ZNF385D: variants seen among roughly 807,000 people sequenced by gnomAD.
ZNF385D encodes the protein zinc finger protein 385D.
ZNF385D carries 15 observed loss-of-function variants against 35.8 expected under a neutral mutation model. The observed-to-expected ratio is 0.42, with a 90% CI of 0.28 to 0.64. The LOEUF is 0.64. ZNF385D is among the 30% of genes least tolerant of loss of function. ZNF385D has a pLI of 0.23. For synonymous variants in ZNF385D, 212 were observed against 186.8 expected (o/e 1.13, Z -1.10); for missense variants, 474 against 494.6 (o/e 0.96, Z 0.39).
chr3:22,129,266 G>A (rs977996180), intron 3 of ZNF385D, among the ~76,000 whole-genome samples: 2 of 152,124 alleles, frequency 1.3e-5, no homozygotes, highest in African/African-American at 4.8e-5. Context: ...ACCACAGCTG[G>A]GACTGTGCCT....
chr3:22,073,790 T>C (rs923696468), intron 3 of ZNF385D, among the ~76,000 whole-genome samples: 1 of 151,972 alleles, frequency 6.6e-6, no homozygotes, highest in Non-Finnish European at 1.5e-5. Flanking sequence ...GGTAAAAGCA[T>C]ACTATTTTTA....
intron 2 of ZNF385D, among the ~76,000 whole-genome samples, chr3:22,313,521 G>T (rs537415508): frequency 7.2e-5 from 11 of 152,164 alleles, no homozygotes; most frequent in Non-Finnish European, 1.6e-4. Context: ...GAAGAATATG[G>T]TGTAGATGTC....
intron 3 of ZNF385D, among the ~76,000 whole-genome samples, chr3:22,147,937 G>C (rs113129616): frequency 0.015 from 2,264 of 152,246 alleles, 52 homozygotes; most frequent in African/African-American, 0.052. Flanking sequence ...AAAAAAAGTC[G>C]ATCTAAAGTA....
intron 2 of ZNF385D, among the ~76,000 whole-genome samples, chr3:22,299,565 T>A (rs546537194): frequency 6.6e-6 from 1 of 151,800 alleles, no homozygotes; most frequent in African/African-American, 2.4e-5. Flanking sequence ...ATCTTACAAA[T>A]AGAAAACCCT....
At chr3:21,675,238 T>G (rs540923598) in intron 1 of ZNF385D, among the ~76,000 whole-genome samples, 21 of 152,076 alleles carry the variant, frequency 1.4e-4, no homozygotes, top group Non-Finnish European at 2.6e-4. Flanking sequence ...TCCTAGGCTT[T>G]TTATTTTATT....
chr3:21,781,916 G>C (rs567421965), intron 3 of ZNF385D, among the ~76,000 whole-genome samples: 5 of 151,972 alleles, frequency 3.3e-5, no homozygotes, highest in African/African-American at 9.7e-5. Flanking sequence ...GGGCTAAATG[G>C]GGATGGAACA....
chr3:22,135,561 G>C (rs956148092), intron 3 of ZNF385D, among the ~76,000 whole-genome samples: 5 of 152,124 alleles, frequency 3.3e-5, no homozygotes, highest in Admixed American at 6.6e-5. Flanking sequence ...TTCTTAAATT[G>C]ATCAATGGGT....
At chr3:22,082,028 A>G (rs1297930466) in intron 3 of ZNF385D, among the ~76,000 whole-genome samples, 1 of 125,104 alleles carries the variant, frequency 8.0e-6, no homozygotes, top group Non-Finnish European at 1.7e-5. Context: ...TAATATTTTT[A>G]ATTAAATAAC....
At position 22,191,251 on chromosome 3, in the gene ZNF385D, G is replaced by A. The variant is rs141974768; in HGVS notation, c.107-22216C>T. 6.6e-3 allele frequency among the ~76,000 whole-genome samples: 1,000 copies of A among 152,144 alleles called. 13 individuals carry two copies. The highest frequency in any genetic ancestry group is 0.023 in the African/African-American group (945 of 41,524). On this transcript the variant is annotated intron_variant, in intron 2 of 5. Coordinates refer to the ZNF385D transcript ENST00000494108. ...CACGCCTATAATCCCAGCACTTTGG[G>A]AGGCCGAGGCAGGCGGATCACCTGA...
chr3:22,084,179 G>A (rs543216366), intron 3 of ZNF385D, among the ~76,000 whole-genome samples: 7 of 152,174 alleles, frequency 4.6e-5, no homozygotes, highest in South Asian at 4.2e-4. Flanking sequence ...ATCAACTAAC[G>A]GGCAAAATAA....
intron 3 of ZNF385D, among the ~76,000 whole-genome samples, chr3:21,526,041 T>C (rs1273516410): frequency 6.6e-6 from 1 of 152,148 alleles, no homozygotes; most frequent in African/African-American, 2.4e-5. Context: ...GTAAGTAATT[T>C]TTATATTATT....
intron 2 of ZNF385D, among the ~76,000 whole-genome samples, chr3:22,178,489 T>A (rs368863380): frequency 6.6e-6 from 1 of 152,224 alleles, no homozygotes; most frequent in Non-Finnish European, 1.5e-5. Context: ...TAGCCCTTTG[T>A]CAGATGAGTA....
intron 3 of ZNF385D, among the ~76,000 whole-genome samples, chr3:21,811,647 C>T (rs376252232): frequency 6.6e-6 from 1 of 152,062 alleles, no homozygotes; most frequent in African/African-American, 2.4e-5. Context: ...TTTATTTATC[C>T]TATACTGTAT....
intron 3 of ZNF385D, among the ~76,000 whole-genome samples, chr3:21,788,938 G>C (rs559212253): frequency 6.6e-6 from 1 of 152,134 alleles, no homozygotes; most frequent in Non-Finnish European, 1.5e-5. Context: ...GGAGGTCAGA[G>C]AGCATGAGGA....
chr3:22,114,187 A>G (rs1391596869), intron 3 of ZNF385D, among the ~76,000 whole-genome samples: 1 of 152,088 alleles, frequency 6.6e-6, no homozygotes, highest in Non-Finnish European at 1.5e-5. Context: ...AGTGAAAATT[A>G]TTATTGTTTG....
chr3:21,903,167 T>C (rs1350992473), intron 3 of ZNF385D, among the ~76,000 whole-genome samples: 1 of 152,208 alleles, frequency 6.6e-6, no homozygotes, highest in Non-Finnish European at 1.5e-5. Context: ...CGGTCATCTT[T>C]CTAAAAAGGG....
intron 4 of ZNF385D, among the ~76,000 whole-genome samples, chr3:21,495,636 GA>G (rs1705777476): frequency 1.3e-5 from 2 of 151,986 alleles, no homozygotes. Flanking sequence ...CACAATTAGA[GA>G]AACTGGAGAA....
At chr3:21,705,265 C>A (rs1181427710) in intron 1 of ZNF385D, among the ~76,000 whole-genome samples, 1 of 152,006 alleles carries the variant, frequency 6.6e-6, no homozygotes. Flanking sequence ...TAAAATGTAC[C>A]CATAAAAGAA....
intron 2 of ZNF385D, among the ~76,000 whole-genome samples, chr3:21,655,114 C>A (rs9810559): frequency 0.22 from 32,046 of 147,352 alleles, 3,494 homozygotes; most frequent in East Asian, 0.32. Flanking sequence ...GTGCAAAAAA[C>A]AACAACAACA....
Sources: allele counts gnomAD v4.1 joint callset (sites outside exome capture counted in the v4.1 genomes callset), GRCh38; gene constraint gnomAD v4.1.1; transcripts MANE v1.5; gene names NCBI Gene and HGNC (gene_info 2026-07-23, HGNC 2026-07-21).